The following DACH2 variants were observed in gnomAD, a reference collection of about 807,000 sequenced individuals.
DACH2 encodes dachshund homolog 2.
A neutral mutation model predicts 35.8 loss-of-function variants in DACH2; 17 were observed. The observed-to-expected ratio is 0.48, with a 90% CI of 0.33 to 0.71. The LOEUF is 0.71. Ranked by LOEUF, DACH2 falls within the 30% of genes least tolerant of loss-of-function variation. The pLI, the probability that DACH2 is intolerant of heterozygous loss-of-function variation, is 0.02. For missense variants in DACH2, 469 were observed against 472.7 expected (o/e 0.99, Z 0.07); for synonymous variants, 195 against 177.3 (o/e 1.10, Z -0.79).
At chrX:86,591,179 A>G (rs1028555245) in intron 3 of DACH2, among the ~76,000 whole-genome samples, 14 of 111,764 alleles carry the variant, frequency 1.3e-4, no homozygotes, top group Non-Finnish European at 3.8e-5. Context: ...TGCATAGTAT[A>G]CCATGGTGTA....
intron 3 of DACH2, among the ~76,000 whole-genome samples, chrX:86,553,866 A>C (rs2039082260): frequency 9.0e-6 from 1 of 111,580 alleles, no homozygotes; most frequent in Admixed American, 9.5e-5. Flanking sequence ...TATTTGCCAA[A>C]TACAAATGAT....
At chrX:86,294,532 G>GT (rs952279082) in intron 1 of DACH2, among the ~76,000 whole-genome samples, 3 of 110,443 alleles carry the variant, frequency 2.7e-5, no homozygotes, top group Admixed American at 9.7e-5. Context: ...TTTCTGCTCT[G>GT]TTTTTTCCCC....
chrX:86,409,057 G>C (rs982292116), intron 2 of DACH2, among the ~76,000 whole-genome samples: 4 of 111,602 alleles, frequency 3.6e-5, no homozygotes, highest in African/African-American at 1.3e-4. Context: ...GAGTAGGTTA[G>C]TTTTTGAGAT....
intron 1 of DACH2, among the ~76,000 whole-genome samples, chrX:86,269,229 T>C (rs1280846752): frequency 9.0e-6 from 1 of 111,441 alleles, no homozygotes; most frequent in Non-Finnish European, 1.9e-5. Flanking sequence ...AGTTAGAACA[T>C]GTGATGTTTG....
At chrX:86,790,773 T>C (rs747472686) in intron 7 of DACH2, among the ~76,000 whole-genome samples, 21 of 111,032 alleles carry the variant, frequency 1.9e-4, no homozygotes, top group African/African-American at 6.9e-4. Flanking sequence ...AATTCATGGC[T>C]AAAAGCGATC....
chrX:86,625,942 C>T (rs1411628742), intron 3 of DACH2, among the ~76,000 whole-genome samples: 1 of 111,059 alleles, frequency 9.0e-6, no homozygotes, highest in Admixed American at 9.6e-5. Context: ...TTATTCCACC[C>T]CTAGTCCCTC....
chrX:86,512,465 G>T (rs2038409883), intron 2 of DACH2, among the ~76,000 whole-genome samples: 2 of 111,692 alleles, frequency 1.8e-5, no homozygotes, highest in South Asian at 7.4e-4. Flanking sequence ...GGCTTTCAAA[G>T]TGTACTGTTA....
intron 1 of DACH2, among the ~76,000 whole-genome samples, chrX:86,230,933 C>T (rs1351219487): frequency 8.9e-6 from 1 of 111,927 alleles, no homozygotes; most frequent in African/African-American, 3.2e-5. Flanking sequence ...TTTCAAAGAA[C>T]CAGCTTCTTG....
intron 2 of DACH2, among the ~76,000 whole-genome samples, chrX:86,457,878 G>T (rs772026780): frequency 4.5e-5 from 5 of 111,839 alleles, no homozygotes; most frequent in African/African-American, 6.5e-5. Context: ...GCTTAGTCTG[G>T]CAAGGGAATG....
chrX:86,230,117 T>C (rs1449795181), intron 1 of DACH2, among the ~76,000 whole-genome samples: 2 of 111,202 alleles, frequency 1.8e-5, no homozygotes, highest in East Asian at 2.8e-4. Flanking sequence ...ATAGCTTTTA[T>C]TACATTAAGG....
chrX:86,576,452 A>G (rs886850779), intron 3 of DACH2, among the ~76,000 whole-genome samples: 3 of 111,869 alleles, frequency 2.7e-5, no homozygotes, highest in Non-Finnish European at 5.6e-5. Flanking sequence ...TTTCAACATG[A>G]AATATGCACA....
intron 7 of DACH2, among the ~76,000 whole-genome samples, chrX:86,770,047 A>T (rs778452642): frequency 9.2e-4 from 102 of 110,978 alleles, no homozygotes; most frequent in African/African-American, 3.0e-3. Flanking sequence ...AAGCAAAAAG[A>T]AAAGTGCAAT....
intron 2 of DACH2, among the ~76,000 whole-genome samples, chrX:86,427,245 A>G (rs2148165388): frequency 9.0e-6 from 1 of 111,355 alleles, no homozygotes; most frequent in Admixed American, 9.6e-5. Flanking sequence ...TTGGGTCACA[A>G]AGCATTGTTG....
At chrX:86,436,110 G>A (rs1236403064) in intron 2 of DACH2, among the ~76,000 whole-genome samples, 2 of 110,965 alleles carry the variant, frequency 1.8e-5, no homozygotes, top group East Asian at 5.6e-4. Context: ...AGTTTATAAT[G>A]TATTATGAAA....
At chrX:86,202,518 C>G (rs892795063) in intron 1 of DACH2, among the ~76,000 whole-genome samples, 1 of 111,304 alleles carries the variant, frequency 9.0e-6, no homozygotes, top group Non-Finnish European at 1.9e-5. Flanking sequence ...AAGTACTTTG[C>G]ATTTTCTGGA....
intron 1 of DACH2, among the ~76,000 whole-genome samples, chrX:86,233,939 G>T (rs966639549): frequency 8.9e-6 from 1 of 112,008 alleles, no homozygotes; most frequent in Non-Finnish European, 1.9e-5. Flanking sequence ...CAACACGTGA[G>T]AATTATGGGA....
intron 1 of DACH2, among the ~76,000 whole-genome samples, chrX:86,333,456 C>G (rs1020978996): frequency 5.4e-5 from 6 of 111,474 alleles, no homozygotes; most frequent in Non-Finnish European, 1.1e-4. Context: ...ACACTCTTAA[C>G]AGTAGCAAGT....
At chrX:86,736,786 C>A (rs1357627588) in intron 6 of DACH2, among the ~76,000 whole-genome samples, 1 of 111,096 alleles carries the variant, frequency 9.0e-6, no homozygotes, top group East Asian at 2.8e-4. Flanking sequence ...AGTGATTTTC[C>A]TTTTGTAAGT....
At chrX:86,512,437 G>T (rs978198562) in intron 2 of DACH2, among the ~76,000 whole-genome samples, 2 of 111,433 alleles carry the variant, frequency 1.8e-5, no homozygotes, top group Non-Finnish European at 3.8e-5. Flanking sequence ...ATTTGGAACA[G>T]AACTAGTTAA....
Sources: gnomAD v4.1 joint callset for allele counts (sites outside exome capture counted in the v4.1 genomes callset) on GRCh38, gnomAD v4.1.1 for gene constraint, MANE v1.5 for transcripts, NCBI Gene and HGNC (gene_info 2026-07-23, HGNC 2026-07-21) for gene names.